RAPGEF2: variants seen among roughly 807,000 people sequenced by gnomAD.
The protein encoded by RAPGEF2 is Rap guanine nucleotide exchange factor 2.
In RAPGEF2, 54 loss-of-function variants were observed where a neutral mutation model predicts 186.7. The ratio of observed to expected loss-of-function variants is 0.29; its 90% CI spans 0.23 to 0.36. The LOEUF is 0.36. RAPGEF2 is among the 10% of genes least tolerant of loss of function. RAPGEF2 has a pLI of 1.00. For synonymous variants in RAPGEF2, 712 were observed against 705.9 expected, an observed-to-expected ratio of 1.01 and a Z score of -0.14; for missense variants, 1,532 against 2,045.0, an observed-to-expected ratio of 0.75 and a Z score of 4.84.
chr4:159,187,422 T>A (rs964566869), intron 2 of RAPGEF2, among the ~76,000 whole-genome samples: 2 of 152,102 alleles, frequency 1.3e-5, no homozygotes, highest in African/African-American at 4.8e-5. Flanking sequence ...ATATTTGCCA[T>A]CTTGGCAAAT....
chr4:159,330,265 A>ATATGTGTGTGTGTGTGTGTGTG (rs139978349), intron 12 of RAPGEF2, 69 bp from the exon 13 acceptor site: 2 of 535,278 alleles, frequency 3.7e-6, no homozygotes, highest in Non-Finnish European at 6.5e-6. Context: ...GTATATGTAT[A>ATATGTGTGTGTGTGTGTGTGTG]TGTGTGTGTG....
chr4:159,104,515 A>AGG (rs1737596290), intron 1 of RAPGEF2, among the ~76,000 whole-genome samples: 1 of 130,320 alleles, frequency 7.7e-6, no homozygotes, highest in Middle Eastern at 3.4e-3. Flanking sequence ...AGAGAGAGAG[A>AGG]GAGAGAGAGA....
intron 4 of RAPGEF2, among the ~76,000 whole-genome samples, chr4:159,213,531 A>G (rs561603823): frequency 3.3e-5 from 5 of 152,332 alleles, no homozygotes; most frequent in Admixed American, 3.3e-4. Context: ...TTCTTATGAA[A>G]TTGTTTTGAC....
At chr4:159,125,485 G>A (rs1740184855) in intron 1 of RAPGEF2, among the ~76,000 whole-genome samples, 1 of 152,088 alleles carries the variant, frequency 6.6e-6, no homozygotes, top group South Asian at 2.1e-4. Flanking sequence ...TGGGCTGGGC[G>A]CGGTGGCTCA....
intron 1 of RAPGEF2, among the ~76,000 whole-genome samples, chr4:159,165,163 T>C (rs1745168674): frequency 6.6e-6 from 1 of 152,324 alleles, no homozygotes; most frequent in East Asian, 1.9e-4. Context: ...ATCTCCGATA[T>C]TTGATTTCCA....
intron 7 of RAPGEF2, among the ~76,000 whole-genome samples, chr4:159,277,334 T>C (rs1759045018): frequency 6.6e-6 from 1 of 152,198 alleles, no homozygotes; most frequent in Non-Finnish European, 1.5e-5. Flanking sequence ...TGATGGACAT[T>C]TGGGTTGGTT....
In RAPGEF2 at chr4:159,330,081, A is replaced by G. The variant is rs188094340; in HGVS notation, c.1302+71A>G. 2.8e-5 allele frequency: 41 copies of G among 1,487,214 alleles called. No individual in the cohort carries two copies. The African/African-American group carries it at 5.7e-4, about 21-fold the overall frequency. The allele number at this position is 1,487,214 out of a possible 1,614,324, so 92.1% of individuals were successfully genotyped here. ...GTAGTATTGGTTGTGGCAGTTTAGG[A>G]TTTTTTTTCATTTTTAGGCCTATCT... On this transcript the variant is annotated intron_variant, in intron 12 of 29. Transcript: ENST00000691494.
intron 2 of RAPGEF2, among the ~76,000 whole-genome samples, chr4:159,187,857 C>G (rs1177853318): frequency 6.6e-6 from 1 of 152,072 alleles, no homozygotes; most frequent in South Asian, 2.1e-4. Flanking sequence ...AATGCTTTTT[C>G]CATATATTTC....
At chr4:159,253,197 C>T (rs1755676867) in intron 7 of RAPGEF2, among the ~76,000 whole-genome samples, 1 of 152,184 alleles carries the variant, frequency 6.6e-6, no homozygotes, top group African/African-American at 2.4e-5. Flanking sequence ...TCAAAGACTG[C>T]ACCAAAATTT....
chr4:159,195,872 CCTG>C (rs1561071085), intron 3 of RAPGEF2, among the ~76,000 whole-genome samples: 1 of 121,710 alleles, frequency 8.2e-6, no homozygotes, highest in African/African-American at 3.2e-5. Flanking sequence ...TTCAAACATA[CCTG>C]TTTTTTTTTT....
intron 1 of RAPGEF2, among the ~76,000 whole-genome samples, chr4:159,114,815 A>C (rs1376589117): frequency 1.3e-5 from 2 of 152,106 alleles, no homozygotes; most frequent in Non-Finnish European, 2.9e-5. Flanking sequence ...AAAATTCTTT[A>C]AATGGTTACT....
chr4:159,239,320 G>A (rs1487010084), intron 5 of RAPGEF2, among the ~76,000 whole-genome samples: 1 of 151,980 alleles, frequency 6.6e-6, no homozygotes, highest in Non-Finnish European at 1.5e-5. Context: ...GCAATCGTGA[G>A]GAATAACCAA....
At chr4:159,104,972 G>A (rs945839512) in intron 1 of RAPGEF2, among the ~76,000 whole-genome samples, 7 of 152,210 alleles carry the variant, frequency 4.6e-5, no homozygotes, top group African/African-American at 1.7e-4. Flanking sequence ...AGGGCACCCT[G>A]CGGATTCTTT....
chr4:159,211,662 C>T (rs764213392), intron 4 of RAPGEF2, among the ~76,000 whole-genome samples: 2 of 152,156 alleles, frequency 1.3e-5, no homozygotes, highest in African/African-American at 2.4e-5. Flanking sequence ...TGGTAGCTGA[C>T]GTGAGTAGAA....
At chr4:159,299,279 C>T (rs1248537607) in intron 7 of RAPGEF2, among the ~76,000 whole-genome samples, 1 of 152,072 alleles carries the variant, frequency 6.6e-6, no homozygotes, top group Non-Finnish European at 1.5e-5. Flanking sequence ...ATAACTGTTA[C>T]TTAAAGTGGT....
At chr4:159,231,464 A>G (rs962023440) in intron 4 of RAPGEF2, among the ~76,000 whole-genome samples, 2 of 152,100 alleles carry the variant, frequency 1.3e-5, no homozygotes, top group Non-Finnish European at 2.9e-5. Flanking sequence ...TCTCACATGA[A>G]TCATATATCC....
rs567321043 is a variant in RAPGEF2 at position 159,139,575 on chromosome 4, T to TA, written c.69+35355dup. On this transcript the variant is annotated intron_variant, in intron 1 of 29. Transcript: ENST00000691494. ...ACATGGAGTGTGATACTGGTGAAATTAAAAAAAAAAATGTAGCACTTTAAA... is the reference window on the plus strand; with the variant it reads ...ACATGGAGTGTGATACTGGTGAAATTAAAAAAAAAAAATGTAGCACTTTAAA... Among the ~76,000 whole-genome samples, 1,204 of 148,276 alleles carry TA rather than the reference T, an allele frequency of 8.1e-3. 14 individuals carry two copies. Among genetic ancestry groups the TA allele is most frequent in the African/African-American group, 0.026 (1,078 of 40,692 alleles).
intron 2 of RAPGEF2, among the ~76,000 whole-genome samples, chr4:159,190,565 C>T (rs749925765): frequency 5.9e-5 from 9 of 152,238 alleles, no homozygotes; most frequent in Non-Finnish European, 1.3e-4. Flanking sequence ...TAAGGCCATA[C>T]CCGAGACTGG....
At chr4:159,285,763 C>T (rs1269407165) in intron 7 of RAPGEF2, among the ~76,000 whole-genome samples, 1 of 152,158 alleles carries the variant, frequency 6.6e-6, no homozygotes, top group Non-Finnish European at 1.5e-5. Flanking sequence ...ACTGTCTCAT[C>T]ACAGTACGGA....
Sources: allele counts gnomAD v4.1 joint callset (sites outside exome capture counted in the v4.1 genomes callset), GRCh38; gene constraint gnomAD v4.1.1; transcripts MANE v1.5; gene names NCBI Gene and HGNC (gene_info 2026-07-23, HGNC 2026-07-21).